Variants in EDNRA observed in about 807,000 individuals in gnomAD.
EDNRA encodes the protein endothelin receptor type A.
A neutral mutation model predicts 41.4 loss-of-function variants in EDNRA; 11 were observed. The observed-to-expected ratio is 0.27, with a 90% CI of 0.17 to 0.44. The LOEUF is 0.44. Among genes scored for constraint, EDNRA ranks in the 20% least tolerant of loss-of-function variants. The pLI, the probability that EDNRA is intolerant of heterozygous loss-of-function variation, is 1.00. For synonymous variants in EDNRA, 172 were observed against 183.0 expected (o/e 0.94, Z 0.49); for missense variants, 294 against 531.0 (o/e 0.55, Z 4.39).
chr4:147,539,935 G>A lies in EDNRA; in HGVS notation c.1019G>A (p.Arg340Gln), dbSNP rs200318138. 2.5e-6 allele frequency: 4 copies of A among 1,607,780 alleles called. No homozygotes were observed. Among genetic ancestry groups the A allele is most frequent in the Non-Finnish European group, 3.4e-6 (4 of 1,178,568 alleles). The change falls in exon 6 of 8, where the codon CGA becomes CAA. Residue 340 changes from arginine (R) to glutamine (Q), a missense_variant. Arg to Gln is a conservative substitution (Grantham distance 43). This residue lies in a region of EDNRA where 185 missense variants were observed against 390.8 expected (regional missense o/e 0.47). Coordinates refer to ENST00000651419, the MANE Select transcript of EDNRA (RefSeq NM_001957.4). ...KTVYNEMDKN[R>Q]CELLSFLLLM... ...GTGTATAACGAGATGGACAAGAACC[G>A]ATGTGAATTACTTAGGTATGATCCT...
intron 3 of EDNRA, among the ~76,000 whole-genome samples, chr4:147,528,782 A>G (rs975054968): frequency 2.0e-5 from 3 of 152,188 alleles, no homozygotes; most frequent in African/African-American, 4.8e-5. Context: ...AAACTTAAGT[A>G]GGGTCTCCAG....
At chr4:147,499,285 G>A (rs1317445822) in intron 2 of EDNRA, among the ~76,000 whole-genome samples, 3 of 152,096 alleles carry the variant, frequency 2.0e-5, no homozygotes, top group Non-Finnish European at 4.4e-5. Context: ...CAAATTTTTG[G>A]ACTCAAGTGA....
chr4:147,496,789 T>C (rs994206069), intron 2 of EDNRA, among the ~76,000 whole-genome samples: 2 of 152,244 alleles, frequency 1.3e-5, no homozygotes, highest in African/African-American at 2.4e-5. Flanking sequence ...CATTATTGTA[T>C]AGCACTTCAC....
chr4:147,490,844 C>T (rs918281713), intron 2 of EDNRA: 9 of 152,128 alleles, frequency 5.9e-5, no homozygotes, highest in Non-Finnish European at 4.4e-5. Flanking sequence ...AACAGCTCCG[C>T]CATTATGCAC....
chr4:147,523,501 T>TTG (rs1456837726), intron 3 of EDNRA, among the ~76,000 whole-genome samples: 67 of 149,548 alleles, frequency 4.5e-4, no homozygotes, highest in Middle Eastern at 6.8e-3. Context: ...TTTTTTGTTT[T>TTG]TTTTTTTGAG....
At chr4:147,484,149 T>C (rs1267477810) in intron 1 of EDNRA, among the ~76,000 whole-genome samples, 3 of 152,174 alleles carry the variant, frequency 2.0e-5, no homozygotes, top group African/African-American at 7.2e-5. Context: ...AAAGGAAATA[T>C]ATAAAATATT....
chr4:147,537,436 A>G (rs1730953787), intron 5 of EDNRA, among the ~76,000 whole-genome samples: 1 of 152,186 alleles, frequency 6.6e-6, no homozygotes, highest in Admixed American at 6.5e-5. Flanking sequence ...ATTTCCTCTC[A>G]TTCTTGGAAT....
chr4:147,499,455 T>C (rs1729431445), intron 2 of EDNRA, among the ~76,000 whole-genome samples: 1 of 152,244 alleles, frequency 6.6e-6, no homozygotes, highest in African/African-American at 2.4e-5. Flanking sequence ...ATTCCTAAGC[T>C]GACAGCCAAA....
At chr4:147,515,100 G>C (rs1167148683) in intron 2 of EDNRA, among the ~76,000 whole-genome samples, 2 of 152,170 alleles carry the variant, frequency 1.3e-5, no homozygotes, top group African/African-American at 4.8e-5. Context: ...GGCTGTCCTT[G>C]GGAATCCCCT....
At chr4:147,490,917 A>T (rs1044610538) in intron 2 of EDNRA, 1 of 152,158 alleles carries the variant, frequency 6.6e-6, no homozygotes, top group African/African-American at 2.4e-5. Context: ...ATGCAGGGAG[A>T]TGTATGTATG....
chr4:147,487,342 G>T (rs1250740368), intron 2 of EDNRA, among the ~76,000 whole-genome samples: 1 of 152,202 alleles, frequency 6.6e-6, no homozygotes, highest in Non-Finnish European at 1.5e-5. Flanking sequence ...TGGTCTAGTT[G>T]TTGGGAGGGA....
At chr4:147,484,227 C>T (rs1728868100) in intron 1 of EDNRA, among the ~76,000 whole-genome samples, 1 of 151,964 alleles carries the variant, frequency 6.6e-6, no homozygotes, top group Non-Finnish European at 1.5e-5. Context: ...ACTTCCTGGA[C>T]AGGAAGGACC....
intron 2 of EDNRA, among the ~76,000 whole-genome samples, chr4:147,500,981 A>C (rs936560177): frequency 6.6e-6 from 1 of 152,222 alleles, no homozygotes; most frequent in Non-Finnish European, 1.5e-5. Context: ...TTGGCCCTCC[A>C]AACAGGCTGG....
At chr4:147,490,117 GA>G (rs796282158) in intron 2 of EDNRA, 4 of 150,018 alleles carry the variant, frequency 2.7e-5, no homozygotes, top group African/African-American at 9.8e-5. Context: ...AAGATGAAAA[GA>G]AGTTCCTATA....
intron 5 of EDNRA, among the ~76,000 whole-genome samples, chr4:147,536,843 C>T (rs1730938621): frequency 6.6e-6 from 1 of 152,170 alleles, no homozygotes; most frequent in Non-Finnish European, 1.5e-5. Flanking sequence ...CAAAACTAGA[C>T]TCATACTTGG....
At chr4:147,500,221 A>G (rs1729466851) in intron 2 of EDNRA, among the ~76,000 whole-genome samples, 1 of 152,214 alleles carries the variant, frequency 6.6e-6, no homozygotes, top group African/African-American at 2.4e-5. Flanking sequence ...CTAAAAACAG[A>G]TGAATTTTCT....
intron 5 of EDNRA, among the ~76,000 whole-genome samples, chr4:147,537,580 T>G (rs569309457): frequency 4.6e-4 from 69 of 149,818 alleles, no homozygotes; most frequent in African/African-American, 1.5e-3. Context: ...TTATTTAATT[T>G]TGGAATAATA....
chr4:147,519,709 T>G lies in EDNRA; in HGVS notation c.421-142T>G. On this transcript the variant is annotated intron_variant, in intron 2 of 7. Transcript: ENST00000651419. The surrounding 1 kb of genome is among the most constrained non-coding windows in gnomAD (Gnocchi z 4.1). ...AAAATACGAAAGAAAAAAATAACAA[T>G]TCTAATACTCTTTTGCTACAGTGCT... is the stretch of plus-strand genomic sequence containing the variant. The G allele has an allele frequency of 1.0e-6, 1 of 967,992 alleles. No individual in the cohort carries two copies. The highest frequency in any genetic ancestry group is 2.8e-5 in the East Asian group (1 of 35,726). 60.0% of individuals were successfully genotyped at this position (967,992 alleles called of 1,614,324 possible).
At chr4:147,525,622 A>C (rs6843446) in intron 3 of EDNRA, among the ~76,000 whole-genome samples, 2,014 of 148,146 alleles carry the variant, frequency 0.014, 45 homozygotes, top group African/African-American at 0.048. Context: ...GCAGCAGGAG[A>C]GGGGTAGGAG....
Sources: gnomAD v4.1 joint callset for allele counts (sites outside exome capture counted in the v4.1 genomes callset) on GRCh38, gnomAD v4.1.1 for gene constraint, gnomAD v4.1.1 regional missense constraint, Gnocchi (gnomAD v3.1) non-coding constraint, MANE v1.5 for transcripts, NCBI Gene and HGNC (gene_info 2026-07-23, HGNC 2026-07-21) for gene names.